The following EFCAB13 variants were observed in gnomAD, a reference collection of about 807,000 sequenced individuals.
EFCAB13 encodes the protein EF-hand calcium-binding domain-containing protein 13.
EFCAB13 carries 91 observed loss-of-function variants against 110.2 expected under a neutral mutation model. The observed-to-expected ratio is 0.83, with a 90% CI of 0.70 to 0.98. EFCAB13 has a LOEUF of 0.98. Among genes scored for constraint, EFCAB13 ranks in the 50% least tolerant of loss-of-function variants. The pLI is 0.00. For synonymous variants in EFCAB13, 323 were observed against 369.9 expected (o/e 0.87, Z 1.45); for missense variants, 968 against 1,119.4 (o/e 0.86, Z 1.93).
intron 12 of EFCAB13, among the ~76,000 whole-genome samples, chr17:47,377,172 CACAT>C (rs1235387570): frequency 2.0e-5 from 3 of 152,038 alleles, no homozygotes; most frequent in African/African-American, 7.2e-5. Flanking sequence ...TTTACACACA[CACAT>C]ACACATACAA....
At chr17:47,384,801 C>T (rs374201111) in intron 14 of EFCAB13, among the ~76,000 whole-genome samples, 71 of 151,482 alleles carry the variant, frequency 4.7e-4, no homozygotes, top group African/African-American at 1.5e-3. Context: ...GAAGGAGTCT[C>T]GCTCTGTTGC....
chr17:47,333,478 G>A (rs555660832), intron 4 of EFCAB13, among the ~76,000 whole-genome samples: 4 of 152,186 alleles, frequency 2.6e-5, no homozygotes, highest in Non-Finnish European at 5.9e-5. Flanking sequence ...TTTGTTGCCT[G>A]TGCTTATAGA....
At chr17:47,386,453 C>T (rs907805802) in intron 14 of EFCAB13, among the ~76,000 whole-genome samples, 1 of 152,126 alleles carries the variant, frequency 6.6e-6, no homozygotes, top group African/African-American at 2.4e-5. Context: ...CAGGGGAAAA[C>T]AAGCCTCAGT....
intron 24 of EFCAB13, among the ~76,000 whole-genome samples, chr17:47,437,707 C>T (rs1224609408): frequency 3.9e-5 from 6 of 152,154 alleles, no homozygotes; most frequent in Non-Finnish European, 8.8e-5. Context: ...TGAGTTCTTA[C>T]CCATTCTGCA....
intron 9 of EFCAB13, 72 bp from the exon 10 acceptor site, chr17:47,361,306 A>G: frequency 6.9e-7 from 1 of 1,457,934 alleles, no homozygotes; most frequent in East Asian, 2.3e-5. Context: ...TTAGTAGGCT[A>G]TTGACACAAA....
intron 12 of EFCAB13, among the ~76,000 whole-genome samples, chr17:47,376,741 T>C (rs2065617437): frequency 6.6e-6 from 1 of 152,204 alleles, no homozygotes; most frequent in Non-Finnish European, 1.5e-5. Context: ...AATGTTCTTT[T>C]TCAATTCCAG....
chr17:47,389,089 A>G (rs1177068544), intron 14 of EFCAB13, among the ~76,000 whole-genome samples: 4 of 151,340 alleles, frequency 2.6e-5, no homozygotes, highest in Admixed American at 6.7e-5. Context: ...CTGGAGTGCA[A>G]TGGCTGAATC....
chr17:47,431,676 T>C lies in EFCAB13; in HGVS notation c.2638+1715T>C, dbSNP rs148602550. On this transcript the variant is annotated intron_variant, in intron 24 of 24. Transcript: ENST00000331493. This position sits in a 1 kb window ranked among gnomAD's most constrained non-coding sequence, Gnocchi z 4.1. ...TCTTTTGAAGTTTGTTGAGGCTTGA[T>C]TTATTGACTATGATAATTTTAGTAA... Among the ~76,000 whole-genome samples the C allele has an allele frequency of 6.8e-3, 1,030 of 152,316 alleles. 43 individuals carry two copies. Among genetic ancestry groups the C allele is most frequent in the Admixed American group, 0.06 (912 of 15,286 alleles).
intron 17 of EFCAB13, among the ~76,000 whole-genome samples, chr17:47,400,789 A>C (rs920236777): frequency 4.6e-5 from 7 of 152,180 alleles, no homozygotes; most frequent in Admixed American, 2.6e-4. Flanking sequence ...GACTCCATTT[A>C]GGTGACTGAA....
chr17:47,414,341 T>G (rs2143473845), intron 22 of EFCAB13, among the ~76,000 whole-genome samples: 1 of 152,196 alleles, frequency 6.6e-6, no homozygotes, highest in South Asian at 2.1e-4. Context: ...CTGCATCAAT[T>G]AAAATACAAC....
intron 14 of EFCAB13, among the ~76,000 whole-genome samples, chr17:47,385,987 CCTT>C (rs764784555): frequency 3.9e-5 from 6 of 152,158 alleles, no homozygotes; most frequent in Admixed American, 1.3e-4. Flanking sequence ...TGCTGTTGCT[CCTT>C]CTTCTGGAAG....
intron 23 of EFCAB13, among the ~76,000 whole-genome samples, chr17:47,418,768 G>C (rs190083993): frequency 3.5e-4 from 54 of 152,190 alleles, no homozygotes; most frequent in African/African-American, 1.2e-3. Context: ...TTTTGTTCCA[G>C]ATATTCAGTT....
At chr17:47,348,214 G>A (rs999678272) in intron 9 of EFCAB13, among the ~76,000 whole-genome samples, 1 of 150,684 alleles carries the variant, frequency 6.6e-6, no homozygotes, top group Non-Finnish European at 1.5e-5. Flanking sequence ...ATTGTTCCAC[G>A]CATGGTCTAA....
chr17:47,396,641 T>C (rs1293796640), intron 17 of EFCAB13, among the ~76,000 whole-genome samples: 1 of 152,214 alleles, frequency 6.6e-6, no homozygotes, highest in Non-Finnish European at 1.5e-5. Context: ...GTGGAATGTT[T>C]ATACAGAACT....
intron 5 of EFCAB13, among the ~76,000 whole-genome samples, chr17:47,335,961 G>A (rs534034050): frequency 6.6e-6 from 1 of 152,116 alleles, no homozygotes; most frequent in South Asian, 2.1e-4. Flanking sequence ...ACATGTGGAA[G>A]CCTATAAGTA....
At chr17:47,336,321 T>A (rs574957858) in intron 5 of EFCAB13, among the ~76,000 whole-genome samples, 34 of 149,556 alleles carry the variant, frequency 2.3e-4, no homozygotes, top group Non-Finnish European at 4.6e-4. Flanking sequence ...AAATGGAGTC[T>A]CGCTGTGTTG....
At chr17:47,347,972 A>G (rs781284291) in intron 9 of EFCAB13, 21 bp downstream of exon 9, 15 of 1,420,308 alleles carry the variant, frequency 1.1e-5, no homozygotes, top group Non-Finnish European at 1.4e-5. Flanking sequence ...TCTTTTCAGT[A>G]TTAGTTTAAG....
chr17:47,404,042 T>C, intron 19 of EFCAB13, 21 bp downstream of exon 19: 1 of 1,561,674 alleles, frequency 6.4e-7, no homozygotes, highest in Non-Finnish European at 8.6e-7. Flanking sequence ...TAAATATTAC[T>C]CTCAGGTTTT....
At chr17:47,436,337 C>G (rs907424842) in intron 24 of EFCAB13, among the ~76,000 whole-genome samples, 1 of 152,068 alleles carries the variant, frequency 6.6e-6, no homozygotes, top group South Asian at 2.1e-4. Flanking sequence ...GGAATAGCGT[C>G]AAAAGGGTTG....
Sources: allele counts gnomAD v4.1 joint callset (sites outside exome capture counted in the v4.1 genomes callset), GRCh38; gene constraint gnomAD v4.1.1; non-coding constraint Gnocchi (gnomAD v3.1); transcripts MANE v1.5; gene names NCBI Gene and HGNC (gene_info 2026-07-23, HGNC 2026-07-21).